Variants in ZNF682 observed in about 807,000 individuals in gnomAD.
ZNF682 encodes the protein zinc finger protein 682.
In ZNF682, 29 loss-of-function variants were observed where a neutral mutation model predicts 36.5. The ratio of observed to expected loss-of-function variants is 0.80; its 90% confidence interval spans 0.59 to 1.08. ZNF682 has a LOEUF of 1.08. ZNF682 is among the 50% of genes least tolerant of loss of function. The pLI, the probability that ZNF682 is intolerant of heterozygous loss-of-function variation, is 0.00. For synonymous variants in ZNF682, 180 were observed against 197.0 expected, an observed-to-expected ratio of 0.91 and a Z score of 0.72; for missense variants, 561 against 579.7, an observed-to-expected ratio of 0.97 and a Z score of 0.33.
Position 20,023,097 on chromosome 19 carries a change from G to C in ZNF682, c.133C>G (p.Leu45Val). ...ATCAGTTCTGGCTTAGAAACAGTAA[G>C]ACCTGTTTTATTAGAAAAAAGTAAT... is the stretch of plus-strand genomic sequence containing the variant. ...ENYRNLVSLG[L>V]TVSKPELISR... Residue 45 changes from leucine to valine, a missense_variant and splice_region_variant, in exon 3 of 4, where the codon CTT becomes GTT. By Grantham distance (32) the Leu-to-Val change is conservative. Transcript: ENST00000397165. The C allele has an allele frequency of 6.2e-7, 1 of 1,613,208 alleles. No individual in the cohort carries two copies. Among genetic ancestry groups the C allele is most frequent in the Non-Finnish European group, 8.5e-7 (1 of 1,179,392 alleles).
intron 1 of ZNF682, among the ~76,000 whole-genome samples, chr19:20,026,703 C>T (rs991382281): frequency 2.0e-5 from 3 of 152,056 alleles, no homozygotes; most frequent in East Asian, 1.9e-4. Context: ...TGGCCTCAAG[C>T]GATCCTCCTG....
downstream of ZNF682, among the ~76,000 whole-genome samples, chr19:20,002,505 C>T (rs111336517): frequency 3.1e-3 from 476 of 152,248 alleles, 5 homozygotes; most frequent in African/African-American, 0.011. Context: ...ACTTAACTTG[C>T]GCAGTCCCTT....
In ZNF682 at chr19:20,039,333, G is replaced by A. The variant is rs1568270558; in HGVS notation, c.3+10C>T. 6.2e-7 allele frequency: 1 copy of A among 1,612,198 alleles called. No individual in the cohort carries two copies. Among genetic ancestry groups the A allele is most frequent in the Admixed American group, 1.7e-5 (1 of 60,018 alleles). ...CCCCCACCTCGGGATGCGCGGCCTG[G>A]CACACTCACCATTTTTCGGCTTCCG... On this transcript the variant is annotated intron_variant, in intron 1 of 3. Coordinates refer to ENST00000397165, the MANE Select transcript of ZNF682 (RefSeq NM_033196.3).
downstream of ZNF682, among the ~76,000 whole-genome samples, chr19:20,001,803 G>A (rs1187830355): frequency 6.6e-6 from 1 of 152,084 alleles, no homozygotes; most frequent in African/African-American, 2.4e-5. Flanking sequence ...CTTCTTATAA[G>A]AACCCATTAT....
At chr19:20,025,810 G>A (rs1173478055) in intron 1 of ZNF682, among the ~76,000 whole-genome samples, 2 of 152,050 alleles carry the variant, frequency 1.3e-5, no homozygotes, top group Non-Finnish European at 2.9e-5. Flanking sequence ...ATTATAACCT[G>A]AATCTAAGCA....
chr19:20,020,935 G>T (rs1207451048), intron 3 of ZNF682, among the ~76,000 whole-genome samples: 1 of 143,062 alleles, frequency 7.0e-6, no homozygotes, highest in African/African-American at 2.7e-5. Flanking sequence ...GATGTTCAAT[G>T]AGTATATACT....
chr19:20,016,745 A>C (rs1470174661), intron 3 of ZNF682, among the ~76,000 whole-genome samples: 1 of 152,122 alleles, frequency 6.6e-6, no homozygotes, highest in Non-Finnish European at 1.5e-5. Flanking sequence ...AAGGTAAACA[A>C]AAGCTGTCAG....
At chr19:20,009,605 CA>C (rs1266950762) in intron 3 of ZNF682, among the ~76,000 whole-genome samples, 4 of 151,874 alleles carry the variant, frequency 2.6e-5, no homozygotes, top group Non-Finnish European at 5.9e-5. Flanking sequence ...ACATGAAATA[CA>C]AAAATAAAAG....
chr19:19,999,539 CT>C (rs1008498446), downstream of ZNF682, among the ~76,000 whole-genome samples: 100 of 146,384 alleles, frequency 6.8e-4, no homozygotes, highest in Admixed American at 7.5e-4. Flanking sequence ...TCTTTTCTTT[CT>C]TTTTTTTTTT....
chr19:20,006,947 G>T lies in ZNF682; in HGVS notation c.555C>A (p.His185Gln). Residue 185 changes from histidine (H) to glutamine (Q), a missense_variant, in exon 4 of 4, where the codon CAC (histidine) becomes CAA (glutamine). Physicochemically the swap from His to Gln is conservative, Grantham distance 24 (BLOSUM62 0). Coordinates refer to ENST00000397165, the MANE Select transcript of ZNF682 (RefSeq NM_033196.3). ...CMQCGKVFKS[H>Q]SGLSYHKIIH... The stretch of plus-strand genomic sequence containing the variant: ...TTATCTTATGATAAGAAAGGCCTGA[G>T]TGAGATTTAAAGACTTTGCCACATT... The T allele has an allele frequency of 6.2e-7, 1 of 1,613,416 alleles. No homozygotes were observed. The highest frequency in any genetic ancestry group is 8.5e-7 in the Non-Finnish European group (1 of 1,179,546).
At chr19:19,999,391 G>C (rs2088149521) in intron 3 of ZNF682, among the ~76,000 whole-genome samples, 1 of 148,598 alleles carries the variant, frequency 6.7e-6, no homozygotes, top group African/African-American at 2.5e-5. Context: ...ACAACTTGTT[G>C]AAACACTGAA....
intron 3 of ZNF682, among the ~76,000 whole-genome samples, chr19:20,014,735 G>T (rs1018683299): frequency 1.3e-5 from 2 of 150,080 alleles, no homozygotes; most frequent in Non-Finnish European, 2.9e-5. Flanking sequence ...AGCCGAGATT[G>T]CGCCACTGCA....
intron 3 of ZNF682, among the ~76,000 whole-genome samples, chr19:20,018,220 A>G (rs1274108369): frequency 2.0e-5 from 3 of 147,920 alleles, no homozygotes; most frequent in Non-Finnish European, 3.0e-5. Context: ...CAGCCTCCCA[A>G]GTAGCTGGGA....
intron 3 of ZNF682, among the ~76,000 whole-genome samples, chr19:20,020,017 G>A (rs1410236935): frequency 2.1e-5 from 3 of 140,808 alleles, no homozygotes; most frequent in African/African-American, 8.0e-5. Context: ...TTCAAGGCCA[G>A]CCCTAGCAAC....
At chr19:20,035,045 T>C (rs12977326) in intron 1 of ZNF682, among the ~76,000 whole-genome samples, 119,236 of 151,934 alleles carry the variant, frequency 0.78, 46,941 homozygotes, top group Middle Eastern at 0.87. Context: ...TTGCAATGAG[T>C]GGAGATCATG....
chr19:20,006,586 T>C lies in ZNF682; in HGVS notation c.916A>G (p.Ile306Val), dbSNP rs772007442. Residue 306 changes from isoleucine to valine, a missense_variant, in exon 4 of 4, where the codon ATT becomes GTT. Coordinates refer to ENST00000397165, the MANE Select transcript of ZNF682 (RefSeq NM_033196.3). ...RHSHLTKHKT[I>V]HTGKKPYKCK... The stretch of plus-strand genomic sequence containing the variant: ...TTGTAGGGTTTCTTTCCAGTGTGAA[T>C]TGTCTTATGTTTGGTGAGATGTGAG... The C allele has an allele frequency of 5.0e-6, 8 of 1,614,194 alleles. No individual in the cohort carries two copies. Among genetic ancestry groups the C allele is most frequent in the Admixed American group, 1.7e-5 (1 of 60,032 alleles).
intron 1 of ZNF682, among the ~76,000 whole-genome samples, chr19:20,026,648 T>C (rs2088434174): frequency 6.6e-6 from 1 of 152,052 alleles, no homozygotes; most frequent in South Asian, 2.1e-4. Context: ...GGGTTTTTAG[T>C]AGATACAGGG....
At chr19:19,998,314 G>A (rs372193147) in intron 3 of ZNF682, among the ~76,000 whole-genome samples, 2 of 152,124 alleles carry the variant, frequency 1.3e-5, no homozygotes, top group Admixed American at 6.6e-5. Context: ...GGGAGCCAGC[G>A]CTGCAAAAGA....
At chr19:20,027,433 C>A (rs1210954994) in intron 1 of ZNF682, among the ~76,000 whole-genome samples, 1 of 152,220 alleles carries the variant, frequency 6.6e-6, no homozygotes, top group Non-Finnish European at 1.5e-5. Flanking sequence ...CCATGAAAAC[C>A]AAGCACAGCA....
Sources: allele counts gnomAD v4.1 joint callset (sites outside exome capture counted in the v4.1 genomes callset), GRCh38; gene constraint gnomAD v4.1.1; transcripts MANE v1.5; gene names NCBI Gene and HGNC (gene_info 2026-07-23, HGNC 2026-07-21).